Variants in EFCAB6 observed in about 807,000 individuals in gnomAD.
EFCAB6 encodes EF-hand calcium-binding domain-containing protein 6.
A neutral mutation model predicts 169.8 loss-of-function variants in EFCAB6; 156 were observed. The observed-to-expected ratio is 0.92, with a 90% CI of 0.81 to 1.05. The LOEUF (loss-of-function observed/expected upper bound fraction) is 1.05, where lower values mean the gene tolerates loss of function less well. EFCAB6 is among the 50% of genes least tolerant of loss of function. EFCAB6 has a pLI of 0.00. For missense variants in EFCAB6, 1,800 were observed against 1,829.1 expected (o/e 0.98, Z 0.29); for synonymous variants, 698 against 676.4 (o/e 1.03, Z -0.50).
At chr22:43,768,814 A>T (rs1270547882) in intron 4 of EFCAB6, among the ~76,000 whole-genome samples, 1 of 152,194 alleles carries the variant, frequency 6.6e-6, no homozygotes, top group Non-Finnish European at 1.5e-5. Flanking sequence ...TCAAAATTTT[A>T]AATTAACATT....
chr22:43,782,443 G>T, intron 2 of EFCAB6, 118 bp from the exon 3 acceptor site: 1 of 816,754 alleles, frequency 1.2e-6, no homozygotes, highest in Non-Finnish European at 1.9e-6. Context: ...AATGATGCTA[G>T]TCATAATCTG....
chr22:43,584,641 C>T (rs1011911571), intron 24 of EFCAB6, among the ~76,000 whole-genome samples: 80 of 152,106 alleles, frequency 5.3e-4, no homozygotes, highest in African/African-American at 1.9e-3. Flanking sequence ...AGGGGAAGGG[C>T]AATCAGCCAA....
rs757483999 is a variant in EFCAB6 at position 43,530,970 on chromosome 22, CACAAG to C, written c.4234-11_4234-7del. On this transcript the variant is annotated splice_polypyrimidine_tract_variant and splice_region_variant and intron_variant, in intron 30 of 31. Transcript: ENST00000262726. ...GTCTCCGCGCCGGCTTCTTTCTAGA[CACAAG>C]ACAAGAAGGGGTGAGGAGGGAGCTT... The C allele has an allele frequency of 2.0e-5, 32 of 1,613,278 alleles. No individual in the cohort carries two copies. In the East Asian group the frequency reaches 6.2e-4, roughly 31 times the overall value.
At chr22:43,779,753 G>T (rs887912923) in intron 3 of EFCAB6, among the ~76,000 whole-genome samples, 28 of 150,426 alleles carry the variant, frequency 1.9e-4, no homozygotes, top group African/African-American at 6.4e-4. Flanking sequence ...AAAACAACAA[G>T]AAAAAAAAGT....
intron 28 of EFCAB6, 68 bp downstream of exon 28, chr22:43,540,059 T>TC: frequency 6.4e-7 from 1 of 1,563,222 alleles, no homozygotes; most frequent in Non-Finnish European, 8.8e-7. Flanking sequence ...GCCCCCAAAG[T>TC]CCCCCCAGTG....
chr22:43,784,664 CATATACAT>C (rs1280239156), intron 2 of EFCAB6, among the ~76,000 whole-genome samples: 4 of 69,134 alleles, frequency 5.8e-5, no homozygotes, highest in South Asian at 4.8e-4. Context: ...TGTATATATA[CATATACAT>C]ATATACACAC....
chr22:43,533,486 G>C (rs1267154773), intron 30 of EFCAB6: 3 of 152,226 alleles, frequency 2.0e-5, no homozygotes, highest in Non-Finnish European at 2.9e-5. Context: ...TGGGATCAAG[G>C]CTACTGGTTC....
chr22:43,716,662 C>G (rs2059341426), intron 9 of EFCAB6, 186 bp downstream of exon 9: 1 of 542,814 alleles, frequency 1.8e-6, no homozygotes. Flanking sequence ...TTTCACATCA[C>G]CATCACGATT....
chr22:43,593,723 T>C (rs1472997310), intron 23 of EFCAB6, among the ~76,000 whole-genome samples: 1 of 152,180 alleles, frequency 6.6e-6, no homozygotes, highest in African/African-American at 2.4e-5. Context: ...GGAGATTCAC[T>C]CATTCATTCA....
intron 17 of EFCAB6, among the ~76,000 whole-genome samples, chr22:43,652,138 G>C (rs562960157): frequency 1.3e-5 from 2 of 152,304 alleles, no homozygotes; most frequent in South Asian, 4.1e-4. Flanking sequence ...TGGTTTAGCT[G>C]TGTCCCCACC....
intron 6 of EFCAB6, among the ~76,000 whole-genome samples, chr22:43,753,907 A>G (rs1258645807): frequency 2.0e-5 from 3 of 152,184 alleles, no homozygotes; most frequent in African/African-American, 7.2e-5. Flanking sequence ...GCATTCTTTC[A>G]TTCCCAAACT....
intron 2 of EFCAB6, among the ~76,000 whole-genome samples, chr22:43,802,300 G>A (rs541424954): frequency 1.2e-4 from 18 of 152,198 alleles, no homozygotes; most frequent in South Asian, 6.2e-4. Context: ...AGGCCAAGGC[G>A]GGTGGATCAC....
At chr22:43,669,074 C>A in intron 15 of EFCAB6, 29 bp from the exon 16 acceptor site, 1 of 1,566,422 alleles carries the variant, frequency 6.4e-7, no homozygotes. Flanking sequence ...TTAAAACACA[C>A]TCAGTAGAGT....
In EFCAB6 at chr22:43,689,349, G is replaced by GCGCA. The variant is rs1556091576; in HGVS notation, c.1032-1769_1032-1768insTGCG. 2.7e-5 allele frequency among the ~76,000 whole-genome samples: 4 copies of GCGCA among 146,962 alleles called. No homozygotes were observed. In the East Asian group the frequency reaches 8.1e-4, roughly 30 times the overall value. On this transcript the variant is annotated intron_variant, in intron 10 of 31. Transcript: ENST00000262726. ...GTGGGCCACGTGAGGGAGAGCACGT[G>GCGCA]CACACACACACACACACACACACAC...
In EFCAB6 at chr22:43,716,985, A is replaced by T; in HGVS notation, c.758-13T>A. The T allele has an allele frequency of 6.7e-7, 1 of 1,503,492 alleles. No individual in the cohort carries two copies. The highest frequency in any genetic ancestry group is 2.3e-5 in the Admixed American group (1 of 44,016). The allele number at this position is 1,503,492 out of a possible 1,614,324, so 93.1% of individuals were successfully genotyped here. A position where few individuals can be genotyped will look rare whatever the true frequency, so the allele number is the denominator to read the frequency against. On this transcript the variant is annotated splice_polypyrimidine_tract_variant and intron_variant, in intron 8 of 31. Coordinates refer to ENST00000262726, the MANE Select transcript of EFCAB6 (RefSeq NM_022785.4). The stretch of plus-strand genomic sequence containing the variant: ...TCCAACGAGACCTCTGTTGAAACAA[A>T]ATAGCTTCGGCTTATCAACATTGTC...
chr22:43,561,514 T>C (rs1000345582), intron 26 of EFCAB6, among the ~76,000 whole-genome samples: 8 of 151,964 alleles, frequency 5.3e-5, no homozygotes, highest in African/African-American at 1.9e-4. Flanking sequence ...CCAGGCCCCA[T>C]GGATGCTGCC....
chr22:43,796,227 C>A (rs1250243997), intron 2 of EFCAB6, among the ~76,000 whole-genome samples: 1 of 152,174 alleles, frequency 6.6e-6, no homozygotes, highest in Non-Finnish European at 1.5e-5. Context: ...TGAACACCCT[C>A]GACCCCATGA....
intron 19 of EFCAB6, among the ~76,000 whole-genome samples, chr22:43,627,248 A>G (rs906947904): frequency 5.9e-5 from 9 of 152,154 alleles, no homozygotes; most frequent in African/African-American, 1.9e-4. Context: ...AGGGATTCCT[A>G]TTTTGCAGAT....
At chr22:43,618,761 T>C (rs561703347) in intron 20 of EFCAB6, among the ~76,000 whole-genome samples, 3 of 152,326 alleles carry the variant, frequency 2.0e-5, no homozygotes, top group Non-Finnish European at 2.9e-5. Context: ...CTGTTTACTC[T>C]CCCAGCCCAA....
Sources: allele counts gnomAD v4.1 joint callset (sites outside exome capture counted in the v4.1 genomes callset), GRCh38; gene constraint gnomAD v4.1.1; transcripts MANE v1.5; gene names NCBI Gene and HGNC (gene_info 2026-07-23, HGNC 2026-07-21).